SATB1: variants seen among roughly 807,000 people sequenced by gnomAD.
The protein encoded by SATB1 is SATB homeobox 1.
A neutral mutation model predicts 86.9 loss-of-function variants in SATB1; 11 were observed. The ratio of observed to expected loss-of-function variants is 0.13; its 90% CI spans 0.08 to 0.21. The LOEUF (loss-of-function observed/expected upper bound fraction) is 0.21, where lower values mean the gene tolerates loss of function less well. SATB1 is among the 10% of genes least tolerant of loss of function. The pLI, the probability that SATB1 is intolerant of heterozygous loss-of-function variation, is 1.00. For synonymous variants in SATB1, 357 were observed against 357.2 expected, an observed-to-expected ratio of 1.00 and a Z score of 0.01; for missense variants, 551 against 937.6, an observed-to-expected ratio of 0.59 and a Z score of 5.39.
At chr3:18,375,173 C>T (rs983605642) in intron 9 of SATB1, among the ~76,000 whole-genome samples, 1 of 152,152 alleles carries the variant, frequency 6.6e-6, no homozygotes, top group East Asian at 1.9e-4. Context: ...TCCTCTTCCT[C>T]AGATCAGGGT....
intron 10 of SATB1, chr3:18,351,157 C>CA: frequency 3.0e-6 from 2 of 670,444 alleles, no homozygotes; most frequent in Non-Finnish European, 5.4e-6. Flanking sequence ...ACATGACAAA[C>CA]AAAGCATAAG....
intron 9 of SATB1, among the ~76,000 whole-genome samples, chr3:18,377,083 C>A (rs1477809636): frequency 6.6e-6 from 1 of 152,118 alleles, no homozygotes; most frequent in Non-Finnish European, 1.5e-5. Context: ...TAAAGCAAAA[C>A]TCCTGTCAAG....
chr3:18,374,617 G>A (rs1473240996), intron 9 of SATB1, among the ~76,000 whole-genome samples: 1 of 152,086 alleles, frequency 6.6e-6, no homozygotes, highest in Non-Finnish European at 1.5e-5. Context: ...TATTTTATCA[G>A]ACGTTTCTAT....
rs1365739228 is a variant in SATB1, at chr3:18,386,851, CCTTT to C, written c.1207-244_1207-241del. 2.0e-5 allele frequency among the ~76,000 whole-genome samples: 3 copies of C among 152,284 alleles called. No homozygotes were observed. The highest frequency in any genetic ancestry group is 4.4e-5 in the Non-Finnish European group (3 of 68,014). On this transcript the variant is annotated intron_variant, in intron 7 of 10. Coordinates refer to ENST00000338745, the MANE Select transcript of SATB1 (RefSeq NM_002971.6). The surrounding 1 kb of genome is among the most constrained non-coding windows in gnomAD (Gnocchi z 4.5). Reference sequence around the variant, plus strand: ...CTGAAACTGCCTAATTGGTCTCCTTCCTTTGAGTAGCTTAACTTGCCATGAAATC... The same window carrying C: ...CTGAAACTGCCTAATTGGTCTCCTTCGAGTAGCTTAACTTGCCATGAAATC...
Position 18,378,197 on chromosome 3 carries a change from A to C in SATB1, c.1548T>G (p.Phe516Leu). The C allele has an allele frequency of 6.3e-7, 1 of 1,591,850 alleles. No individual in the cohort carries two copies. Among genetic ancestry groups the C allele is most frequent in the Non-Finnish European group, 8.5e-7 (1 of 1,171,542 alleles). ...GGCTTTTGGTTGCTGCAACCTTTGC[A>C]AACAGTGCTTGAGACACTTTAGCAC... The part of the protein sequence containing the change: ...MKRAKVSQAL[F>L]AKVAATKSQG... The change falls in exon 9 of 11, where the codon TTT (phenylalanine) becomes TTG (leucine). Residue 516 changes from phenylalanine to leucine, a missense_variant. This residue lies in a region of SATB1 where 110 missense variants were observed against 212.2 expected (regional missense o/e 0.52). Coordinates refer to ENST00000338745, the MANE Select transcript of SATB1 (RefSeq NM_002971.6).
chr3:18,373,560 C>T (rs1198238755), intron 9 of SATB1, among the ~76,000 whole-genome samples: 2 of 152,106 alleles, frequency 1.3e-5, no homozygotes, highest in African/African-American at 2.4e-5. Context: ...CAATGATTTG[C>T]GACACGTGTC....
chr3:18,412,727 T>C (rs1697919902), intron 5 of SATB1, among the ~76,000 whole-genome samples: 1 of 152,066 alleles, frequency 6.6e-6, no homozygotes, highest in Non-Finnish European at 1.5e-5. Flanking sequence ...AAGAGTAGTT[T>C]TGTCAAACTT....
intron 1 of SATB1, chr3:18,421,217 A>G: frequency 2.9e-6 from 1 of 343,500 alleles, no homozygotes; most frequent in Non-Finnish European, 5.3e-6. Context: ...AATACACATG[A>G]ATAAAAAGAT....
intron 5 of SATB1, among the ~76,000 whole-genome samples, chr3:18,401,798 CAT>C (rs1321497343): frequency 6.6e-6 from 1 of 152,108 alleles, no homozygotes; most frequent in African/African-American, 2.4e-5. Context: ...CCATAAAGCA[CAT>C]GTCTACTCCC....
At chr3:18,430,836 T>A (rs1357104656) in intron 2 of SATB1, among the ~76,000 whole-genome samples, 1 of 152,218 alleles carries the variant, frequency 6.6e-6, no homozygotes, top group Admixed American at 6.5e-5. Flanking sequence ...TACAGAGTGG[T>A]AATTCATGAT....
At chr3:18,369,696 A>G (rs1695365179) in intron 9 of SATB1, among the ~76,000 whole-genome samples, 2 of 134,578 alleles carry the variant, frequency 1.5e-5, no homozygotes, top group South Asian at 2.7e-4. Flanking sequence ...TCTGTGCCAC[A>G]TTAGCTGTAA....
rs1403609070 is a variant in SATB1 at position 18,351,553 on chromosome 3, G to T, written c.1779+439C>A. ...AAGCTTCCCTCCCCTCCTCTTTCTG[G>T]ACAGAATCCAATGTATAAAATTGTG... On this transcript the variant is annotated intron_variant, in intron 10 of 10. Transcript: ENST00000338745. 8 of 627,458 alleles carry T rather than the reference G, an allele frequency of 1.3e-5. No individual in the cohort carries two copies. The Admixed American group carries it at 2.1e-4, about 17-fold the overall frequency. The allele number at this position is 627,458 out of a possible 1,614,324, so 38.9% of individuals were successfully genotyped here. A position where few individuals can be genotyped will look rare whatever the true frequency, so the allele number is the denominator to read the frequency against.
At chr3:18,378,124 C>T (rs371573840) in intron 9 of SATB1, 46 bp downstream of exon 9, 3 of 1,475,406 alleles carry the variant, frequency 2.0e-6, no homozygotes, top group Non-Finnish European at 2.7e-6. Context: ...GAAAATTCTA[C>T]AGGCAACACA....
chr3:18,349,049 T>G lies in SATB1; in HGVS notation c.*121A>C. On this transcript the variant is annotated 3_prime_UTR_variant, in exon 11 of 11. Transcript: ENST00000338745. The surrounding 1 kb of genome is among the most constrained non-coding windows in gnomAD (Gnocchi z 5.5). ...TTTCCAACTTTTCTGTTTGTGCAAG[T>G]TTTTGAAGATTCATTGGCCAAACAA... is the stretch of plus-strand genomic sequence containing the variant. The G allele has an allele frequency of 1.4e-6, 2 of 1,466,254 alleles. No homozygotes were observed. The highest frequency in any genetic ancestry group is 1.8e-6 in the Non-Finnish European group (2 of 1,106,388). 90.8% of individuals were successfully genotyped at this position (1,466,254 alleles called of 1,614,324 possible). A position where few individuals can be genotyped will look rare whatever the true frequency, so the allele number is the denominator to read the frequency against.
chr3:18,355,629 A>G (rs1361766219), intron 9 of SATB1, among the ~76,000 whole-genome samples: 1 of 152,014 alleles, frequency 6.6e-6, no homozygotes, highest in Non-Finnish European at 1.5e-5. Flanking sequence ...AATGAAATGC[A>G]GTGCTTTGTT....
chr3:18,430,724 T>C (rs1575183136), intron 2 of SATB1, among the ~76,000 whole-genome samples: 1 of 152,198 alleles, frequency 6.6e-6, no homozygotes, highest in South Asian at 2.1e-4. Context: ...GGTTTAAGGA[T>C]TTTTTGGTTT....
At chr3:18,373,038 C>A (rs1695552282) in intron 9 of SATB1, among the ~76,000 whole-genome samples, 1 of 152,210 alleles carries the variant, frequency 6.6e-6, no homozygotes, top group Non-Finnish European at 1.5e-5. Flanking sequence ...ACAAATACTT[C>A]TCTTGCCTCC....
intron 9 of SATB1, among the ~76,000 whole-genome samples, chr3:18,360,545 T>C (rs1011233878): frequency 6.6e-6 from 1 of 151,870 alleles, no homozygotes; most frequent in African/African-American, 2.4e-5. Context: ...TTGGTGCCCA[T>C]TCAAATACTA....
intron 9 of SATB1, among the ~76,000 whole-genome samples, chr3:18,368,822 C>A (rs566068517): frequency 6.6e-6 from 1 of 152,272 alleles, no homozygotes; most frequent in South Asian, 2.1e-4. Context: ...GGTTCCAGGA[C>A]GTATGATTCA....
Sources: gnomAD v4.1 joint callset for allele counts (sites outside exome capture counted in the v4.1 genomes callset) on GRCh38, gnomAD v4.1.1 for gene constraint, gnomAD v4.1.1 regional missense constraint, Gnocchi (gnomAD v3.1) non-coding constraint, MANE v1.5 for transcripts, NCBI Gene and HGNC (gene_info 2026-07-23, HGNC 2026-07-21) for gene names.